Variants in METTL15 observed in about 807,000 individuals in gnomAD.
The protein encoded by METTL15 is methyltransferase 15, mitochondrial 12S rRNA N4-cytidine, also known as 12S rRNA N(4)-cytidine methyltransferase METTL15.
METTL15 carries 34 observed loss-of-function variants against 38.3 expected under a neutral mutation model. The ratio of observed to expected loss-of-function variants is 0.89; its 90% CI spans 0.68 to 1.18. METTL15 has a LOEUF of 1.18. Among genes scored for constraint, METTL15 ranks in the 50% most tolerant of loss-of-function variants. METTL15 has a pLI of 0.00. For missense variants in METTL15, 438 were observed against 498.4 expected, an observed-to-expected ratio of 0.88 and a Z score of 1.15; for synonymous variants, 162 against 170.9, an observed-to-expected ratio of 0.95 and a Z score of 0.41.
At chr11:28,294,683 TG>T (rs922148849) in intron 5 of METTL15, among the ~76,000 whole-genome samples, 2 of 152,070 alleles carry the variant, frequency 1.3e-5, no homozygotes, top group Non-Finnish European at 2.9e-5. Flanking sequence ...ATCTATTAGT[TG>T]GGGGGCAGCT....
intron 4 of METTL15, among the ~76,000 whole-genome samples, chr11:28,264,187 T>G (rs1167048052): frequency 6.6e-6 from 1 of 152,168 alleles, no homozygotes; most frequent in Non-Finnish European, 1.5e-5. Flanking sequence ...TTCGTTTGTC[T>G]TAATTCTCCA....
chr11:28,260,371 C>T (rs1467382010), intron 4 of METTL15, among the ~76,000 whole-genome samples: 5 of 152,182 alleles, frequency 3.3e-5, no homozygotes, highest in African/African-American at 1.2e-4. Flanking sequence ...CGCTATCACT[C>T]TCCTCCATTT....
intron 4 of METTL15, among the ~76,000 whole-genome samples, chr11:28,275,270 A>T (rs1855799364): frequency 6.6e-6 from 1 of 152,018 alleles, no homozygotes; most frequent in African/African-American, 2.4e-5. Flanking sequence ...GAAATGAAAA[A>T]GGAGACATTA....
chr11:28,420,117 A>T (rs187461954), intron 5 of METTL15, among the ~76,000 whole-genome samples: 1 of 152,306 alleles, frequency 6.6e-6, no homozygotes, highest in East Asian at 1.9e-4. Context: ...ATTTAAAGAG[A>T]TACTAACAGA....
intron 3 of METTL15, among the ~76,000 whole-genome samples, chr11:28,208,314 T>C (rs1852458194): frequency 6.6e-6 from 1 of 152,144 alleles, no homozygotes; most frequent in South Asian, 2.1e-4. Flanking sequence ...GTTGTGTCTT[T>C]GTTGTCGTTA....
At chr11:28,472,259 G>C (rs1851309832) in intron 6 of METTL15, among the ~76,000 whole-genome samples, 1 of 152,088 alleles carries the variant, frequency 6.6e-6, no homozygotes, top group African/African-American at 2.4e-5. Context: ...AAGCATGACT[G>C]GAAGTTCACC....
chr11:28,138,208 G>A (rs1423985223), intron 3 of METTL15, among the ~76,000 whole-genome samples: 2 of 151,920 alleles, frequency 1.3e-5, no homozygotes, highest in East Asian at 3.9e-4. Context: ...GGCCTCTCAT[G>A]TGTGCATTAA....
Position 28,375,368 on chromosome 11 carries a change from T to C in METTL15, c.*358+13332T>C, listed in dbSNP as rs1251574256. ...AGCCTGTTATTGGTCTATTCAGAGATTCAACTTCTTCCTGGTTTAGTCTTG... is the reference window on the plus strand; with the variant it reads ...AGCCTGTTATTGGTCTATTCAGAGACTCAACTTCTTCCTGGTTTAGTCTTG... On this transcript the variant is annotated intron_variant and NMD_transcript_variant, in intron 5 of 7. Coordinates refer to the METTL15 transcript ENST00000532947. Among the ~76,000 whole-genome samples the C allele has an allele frequency of 3.3e-5, 5 of 152,086 alleles. No individual in the cohort carries two copies. In the East Asian group the frequency reaches 9.6e-4, roughly 29 times the overall value.
intron 4 of METTL15, among the ~76,000 whole-genome samples, chr11:28,276,455 G>A (rs1855846292): frequency 6.6e-6 from 1 of 152,080 alleles, no homozygotes; most frequent in Admixed American, 6.5e-5. Flanking sequence ...GACACAAATT[G>A]ATAAACATCC....
chr11:28,291,586 G>C (rs957305693), intron 5 of METTL15, among the ~76,000 whole-genome samples: 3 of 151,808 alleles, frequency 2.0e-5, no homozygotes, highest in South Asian at 4.2e-4. Context: ...GTAGTTGTTG[G>C]GACTCTGTTG....
intron 6 of METTL15, among the ~76,000 whole-genome samples, chr11:28,435,185 G>T (rs1850971087): frequency 6.6e-6 from 1 of 152,056 alleles, no homozygotes; most frequent in Non-Finnish European, 1.5e-5. Flanking sequence ...CTTCAAGTTG[G>T]GGCATCCTAC....
At chr11:28,223,655 C>G (rs1162091577) in intron 4 of METTL15, among the ~76,000 whole-genome samples, 2 of 152,112 alleles carry the variant, frequency 1.3e-5, no homozygotes, top group African/African-American at 4.8e-5. Context: ...TCTGTCAAAA[C>G]TAAGTCAGAA....
chr11:28,163,700 T>A (rs1354297888), intron 3 of METTL15: 1 of 360,866 alleles, frequency 2.8e-6, no homozygotes, highest in Non-Finnish European at 4.9e-6. Context: ...TTAATATACT[T>A]TTTTTTAAAT....
intron 5 of METTL15, among the ~76,000 whole-genome samples, chr11:28,371,743 T>C (rs1850245420): frequency 6.6e-6 from 1 of 152,066 alleles, no homozygotes; most frequent in South Asian, 2.1e-4. Context: ...GTAATTTATA[T>C]TATTTGAAGC....
At chr11:28,440,046 G>A (rs557145985) in intron 6 of METTL15, among the ~76,000 whole-genome samples, 142 of 152,302 alleles carry the variant, frequency 9.3e-4, no homozygotes, top group Middle Eastern at 6.8e-3. Context: ...CCCAGGCTAA[G>A]ACCCTGACTG....
intron 4 of METTL15, among the ~76,000 whole-genome samples, chr11:28,219,666 C>A (rs1003912413): frequency 6.6e-6 from 1 of 151,926 alleles, no homozygotes; most frequent in Admixed American, 6.6e-5. Flanking sequence ...GTGTGAATTT[C>A]AGATCTTTCC....
chr11:28,289,028 T>C (rs1856403545), intron 4 of METTL15, among the ~76,000 whole-genome samples: 1 of 152,126 alleles, frequency 6.6e-6, no homozygotes, highest in Admixed American at 6.6e-5. Flanking sequence ...GTATCAGTTA[T>C]GTGATAGTAA....
chr11:28,481,297 G>A (rs1055163683), intron 6 of METTL15, among the ~76,000 whole-genome samples: 1 of 152,136 alleles, frequency 6.6e-6, no homozygotes, highest in Non-Finnish European at 1.5e-5. Flanking sequence ...AACCCATTTT[G>A]GACTTCTGAC....
At chr11:28,376,515 T>C (rs968755320) in intron 5 of METTL15, among the ~76,000 whole-genome samples, 7 of 152,196 alleles carry the variant, frequency 4.6e-5, no homozygotes, top group Non-Finnish European at 1.0e-4. Flanking sequence ...TTCCATTTGC[T>C]TGGTAGATCT....
Sources: allele counts gnomAD v4.1 joint callset (sites outside exome capture counted in the v4.1 genomes callset), GRCh38; gene constraint gnomAD v4.1.1; transcripts MANE v1.5; gene names NCBI Gene and HGNC (gene_info 2026-07-23, HGNC 2026-07-21).